The following RBM48 variants were observed in gnomAD, a reference collection of about 807,000 sequenced individuals.
RBM48 encodes the protein RNA-binding protein 48.
A neutral mutation model predicts 34.8 loss-of-function variants in RBM48; 32 were observed. The ratio of observed to expected loss-of-function variants is 0.92; its 90% CI spans 0.69 to 1.23. The LOEUF is 1.23. Among genes scored for constraint, RBM48 ranks in the 50% most tolerant of loss-of-function variants. RBM48 has a pLI of 0.00. For missense variants in RBM48, 441 were observed against 447.2 expected (o/e 0.99, Z 0.12); for synonymous variants, 151 against 156.2 (o/e 0.97, Z 0.25).
At position 92,536,902 on chromosome 7, in the gene RBM48, A is replaced by G; in HGVS notation, c.1069A>G (p.Thr357Ala). The G allele has an allele frequency of 6.2e-7, 1 of 1,609,904 alleles. No homozygotes were observed. The highest frequency in any genetic ancestry group is 1.1e-5 in the South Asian group (1 of 89,924). ...PPEDKPEDVHTSHPLKQRRRI is the reference protein window; with the variant it reads ...PPEDKPEDVHASHPLKQRRRI ...AGAGGACAAGCCAGAAGATGTACAT[A>G]CAAGTCATCCATTAAAACAAAGAAG... is the stretch of plus-strand genomic sequence containing the variant. The change falls in exon 5 of 5, where the codon ACA becomes GCA. Residue 357 changes from threonine to alanine, a missense_variant. Physicochemically the swap from Thr to Ala is moderately conservative, Grantham distance 58. Transcript: ENST00000265732.
intron 3 of RBM48, among the ~76,000 whole-genome samples, chr7:92,533,359 C>T (rs1281872294): frequency 6.6e-6 from 1 of 152,162 alleles, no homozygotes; most frequent in Non-Finnish European, 1.5e-5. Flanking sequence ...CCTAATTTTT[C>T]TGGGTGAGGA....
rs148247356 is a variant in RBM48 at position 92,539,471 on chromosome 7, G to A, written c.*2534G>A. Among the ~76,000 whole-genome samples the A allele has an allele frequency of 0.015, 2,359 of 152,310 alleles. 67 individuals are homozygous for A. Among genetic ancestry groups the A allele is most frequent in the African/African-American group, 0.054 (2,251 of 41,564 alleles). On this transcript the variant is annotated 3_prime_UTR_variant, in exon 5 of 5. Coordinates refer to ENST00000265732, the MANE Select transcript of RBM48 (RefSeq NM_032120.4). ...AATCCCAGCACTTTGGGAGGCCAAGGTGGGAGGATCACCTGAGGTCAGGAG... is the reference window on the plus strand; with the variant it reads ...AATCCCAGCACTTTGGGAGGCCAAGATGGGAGGATCACCTGAGGTCAGGAG...
chr7:92,535,866 G>C (rs1562878595), intron 4 of RBM48: 1 of 966,592 alleles, frequency 1.0e-6, no homozygotes, highest in South Asian at 4.8e-5. Flanking sequence ...TGGGCCCAGT[G>C]CCTCACACCA....
intron 2 of RBM48, 69 bp from the exon 3 acceptor site, chr7:92,532,335 A>G (rs1793594596): frequency 1.5e-6 from 2 of 1,319,744 alleles, no homozygotes; most frequent in East Asian, 2.3e-5. Flanking sequence ...CAGATATTGC[A>G]TACTAGTTAA....
At chr7:92,535,913 T>C (rs1370041504) in intron 4 of RBM48, 12 of 678,862 alleles carry the variant, frequency 1.8e-5, no homozygotes, top group Non-Finnish European at 2.2e-5. Flanking sequence ...GGTGAGCAGA[T>C]TGCTTGAGCC....
In RBM48 at chr7:92,540,313, GTCTTC is replaced by G. The variant is rs756625366; in HGVS notation, c.*3381_*3385del. 7.9e-5 allele frequency: 12 copies of G among 152,238 alleles called. No homozygotes were observed. The highest frequency in any genetic ancestry group is 1.4e-4 in the African/African-American group (6 of 41,470). The allele number at this position is 152,238 out of a possible 1,614,324, so 9.4% of individuals were successfully genotyped here. ...GTCCAAACACCTCCAACAGAAGTCTGTCTTCTCTTACTGTTTTTCAAAGTCTGCAA... is the reference window on the plus strand; with the variant it reads ...GTCCAAACACCTCCAACAGAAGTCTGTCTTACTGTTTTTCAAAGTCTGCAA... On this transcript the variant is annotated 3_prime_UTR_variant, in exon 5 of 5. Transcript: ENST00000265732.
intron 2 of RBM48, among the ~76,000 whole-genome samples, chr7:92,530,011 C>G (rs1793516030): frequency 6.6e-6 from 1 of 151,304 alleles, no homozygotes; most frequent in African/African-American, 2.4e-5. Context: ...ACCCCCCTCT[C>G]TACTAAAAAT....
Position 92,538,961 on chromosome 7 carries a change from A to G in RBM48, c.*2024A>G, listed in dbSNP as rs1336403147. On this transcript the variant is annotated 3_prime_UTR_variant, in exon 5 of 5. Coordinates refer to ENST00000265732, the MANE Select transcript of RBM48 (RefSeq NM_032120.4). ...ATCCCCACCAACATAATTCATCATG[A>G]GGAGAGACAGAAAGAAACCTTTGTG... Among the ~76,000 whole-genome samples, 1 of 152,214 alleles carries G rather than the reference A, an allele frequency of 6.6e-6. No homozygotes were observed. Among genetic ancestry groups the G allele is most frequent in the Non-Finnish European group, 1.5e-5 (1 of 68,022 alleles).
At chr7:92,535,727 A>G in intron 4 of RBM48, 1 of 983,348 alleles carries the variant, frequency 1.0e-6, no homozygotes, top group Non-Finnish European at 1.2e-6. Context: ...TGATTAAGGG[A>G]GGCTAAGGTA....
rs1793797082 is a variant in RBM48, at chr7:92,539,082, AGTGCTG to A, written c.*2146_*2151del. Among the ~76,000 whole-genome samples, 1 of 152,218 alleles carries A rather than the reference AGTGCTG, an allele frequency of 6.6e-6. No individual in the cohort carries two copies. Among genetic ancestry groups the A allele is most frequent in the African/African-American group, 2.4e-5 (1 of 41,470 alleles). On this transcript the variant is annotated 3_prime_UTR_variant, in exon 5 of 5. Coordinates refer to ENST00000265732, the MANE Select transcript of RBM48 (RefSeq NM_032120.4). ...TTTTCCCAAGTCCCTAGGTGCTGCC[AGTGCTG>A]CTGGTGCACAGACCATCTTTGAATA...
rs1793727234 is a variant in RBM48, at chr7:92,536,861, C to G, written c.1028C>G (p.Ser343Cys). Reference sequence around the variant, plus strand: ...TTTTTTTTTAATTAGGTAATTTCATCTGTGCCAAAGCCTCCAGAGGACAAG... The same window carrying G: ...TTTTTTTTTAATTAGGTAATTTCATGTGTGCCAAAGCCTCCAGAGGACAAG... ...IRHKLKEVIS[S>C]VPKPPEDKPE... is the part of the protein sequence containing the mutation. The change falls in exon 5 of 5, where the codon TCT becomes TGT. Residue 343 changes from serine to cysteine, a missense_variant. Physicochemically the swap from Ser to Cys is moderately radical, Grantham distance 112. Transcript: ENST00000265732. 3 of 1,580,404 alleles carry G rather than the reference C, an allele frequency of 1.9e-6. No individual in the cohort carries two copies. Among genetic ancestry groups the G allele is most frequent in the Non-Finnish European group, 2.6e-6 (3 of 1,168,156 alleles).
chr7:92,536,325 T>G (rs1433135184), intron 4 of RBM48: 3 of 976,452 alleles, frequency 3.1e-6, no homozygotes, highest in Non-Finnish European at 3.6e-6. Flanking sequence ...TTACTATAGT[T>G]TCTAATAATT....
In RBM48 at chr7:92,534,799, G is replaced by A; in HGVS notation, c.846G>A (p.Gln282=). ...DRFMPRTTQL[Q]ERKRRREDDR... Reference sequence around the variant, plus strand: ...TTATGCCTAGGACAACACAACTGCAGGAGCGCAAAAGAAGAAGAGAAGATG... The same window carrying A: ...TTATGCCTAGGACAACACAACTGCAAGAGCGCAAAAGAAGAAGAGAAGATG... Residue 282 remains glutamine, a synonymous_variant, in exon 4 of 5, where the codon CAG becomes CAA. Coordinates refer to ENST00000265732, the MANE Select transcript of RBM48 (RefSeq NM_032120.4). 6.2e-7 allele frequency: 1 copy of A among 1,614,148 alleles called. No individual in the cohort carries two copies. The highest frequency in any genetic ancestry group is 2.2e-5 in the East Asian group (1 of 44,890).
chr7:92,534,514 T>A lies in RBM48; in HGVS notation c.561T>A (p.Ser187=). The A allele has an allele frequency of 6.2e-7, 1 of 1,614,178 alleles. No homozygotes were observed. The highest frequency in any genetic ancestry group is 8.5e-7 in the Non-Finnish European group (1 of 1,180,028). Residue 187 remains serine, a synonymous_variant, in exon 4 of 5, where the codon TCT becomes TCA. Coordinates refer to ENST00000265732, the MANE Select transcript of RBM48 (RefSeq NM_032120.4). ...TTTGTAAAGCTGCTTTGAACACTTC[T>A]GCAGGGAACTCAAATCCTTATCTTC... ...SGFCKAALNT[S]AGNSNPYLPY...
intron 3 of RBM48, 108 bp downstream of exon 3, chr7:92,532,657 GTA>G: frequency 2.6e-6 from 2 of 756,914 alleles, no homozygotes; most frequent in South Asian, 3.6e-5. Context: ...AACCATCACA[GTA>G]TTCAGTAACT....
At chr7:92,536,046 C>T (rs776423216) in intron 4 of RBM48, 331 of 506,820 alleles carry the variant, frequency 6.5e-4, no homozygotes, top group Non-Finnish European at 8.2e-4. Flanking sequence ...TGGAAGGGTA[C>T]TTGAGTCTGG....
chr7:92,536,870 A>G lies in RBM48; in HGVS notation c.1037A>G (p.Lys346Arg), dbSNP rs566416996. The G allele has an allele frequency of 3.0e-5, 48 of 1,603,410 alleles. No homozygotes were observed. In the South Asian group the frequency reaches 4.9e-4, roughly 16 times the overall value. ...AATTAGGTAATTTCATCTGTGCCAA[A>G]GCCTCCAGAGGACAAGCCAGAAGAT... Reference protein sequence around the residue: ...KLKEVISSVPKPPEDKPEDVH... With the variant: ...KLKEVISSVPRPPEDKPEDVH... The change falls in exon 5 of 5, where the codon AAG becomes AGG. Residue 346 changes from lysine (K) to arginine (R), a missense_variant. Lys to Arg is a conservative substitution (Grantham distance 26, BLOSUM62 2). Transcript: ENST00000265732.
At chr7:92,531,599 G>T (rs976297369) in intron 2 of RBM48, among the ~76,000 whole-genome samples, 3 of 152,180 alleles carry the variant, frequency 2.0e-5, no homozygotes. Flanking sequence ...TAACCAACCT[G>T]CCAGCTCCCA....
rs932194250 is a variant in RBM48, at chr7:92,540,107, C to T, written c.*3170C>T. On this transcript the variant is annotated 3_prime_UTR_variant, in exon 5 of 5. Coordinates refer to ENST00000265732, the MANE Select transcript of RBM48 (RefSeq NM_032120.4). Reference sequence around the variant, plus strand: ...TTACTGAAATAATCATGAATGTCTTCTTGGGGCCCAAATGCCAGGATGGGG... The same window carrying T: ...TTACTGAAATAATCATGAATGTCTTTTTGGGGCCCAAATGCCAGGATGGGG... Among the ~76,000 whole-genome samples, 20 of 152,350 alleles carry T rather than the reference C, an allele frequency of 1.3e-4. No individual in the cohort carries two copies. The highest frequency in any genetic ancestry group is 4.8e-4 in the African/African-American group (20 of 41,588).
Sources: gnomAD v4.1 joint callset for allele counts (sites outside exome capture counted in the v4.1 genomes callset) on GRCh38, gnomAD v4.1.1 for gene constraint, MANE v1.5 for transcripts, NCBI Gene and HGNC (gene_info 2026-07-23, HGNC 2026-07-21) for gene names.